RBM27: variants seen among roughly 807,000 people sequenced by gnomAD.
RBM27 encodes the protein RNA-binding protein 27.
In RBM27, 22 loss-of-function variants were observed where a neutral mutation model predicts 135.3. The ratio of observed to expected loss-of-function variants is 0.16; its 90% CI spans 0.12 to 0.23. RBM27 has a LOEUF of 0.23. RBM27 is among the 10% of genes least tolerant of loss of function. The pLI is 1.00. For missense variants in RBM27, 1,009 were observed against 1,281.0 expected (o/e 0.79, Z 3.24); for synonymous variants, 481 against 442.4 (o/e 1.09, Z -1.10).
rs1218296276 is a variant in RBM27, at chr5:146,286,659, G to C, written c.*629G>C. The C allele has an allele frequency of 6.6e-6, 1 of 151,868 alleles. No homozygotes were observed. Among genetic ancestry groups the C allele is most frequent in the Non-Finnish European group, 1.5e-5 (1 of 68,014 alleles). 9.4% of individuals were successfully genotyped at this position (151,868 alleles called of 1,614,324 possible). A position where few individuals can be genotyped will look rare whatever the true frequency, so the allele number is the denominator to read the frequency against. On this transcript the variant is annotated 3_prime_UTR_variant, in exon 21 of 21. Coordinates refer to ENST00000265271, the MANE Select transcript of RBM27 (RefSeq NM_018989.2). ...AAACTGTGTGTTCTTAAATGCTACA[G>C]CAATGGTAGCTAGCTCTATAGTATT...
intron 8 of RBM27, 139 bp from the exon 9 acceptor site, chr5:146,251,572 C>T: frequency 5.2e-6 from 4 of 762,074 alleles, no homozygotes; most frequent in South Asian, 4.0e-5. Context: ...AGAAAGAATC[C>T]CAGGAACATC....
At chr5:146,222,461 A>G (rs1756499629) in intron 2 of RBM27, among the ~76,000 whole-genome samples, 1 of 152,248 alleles carries the variant, frequency 6.6e-6, no homozygotes, top group South Asian at 2.1e-4. Context: ...AGGCAGGCAG[A>G]TCACCTGAGG....
intron 14 of RBM27, among the ~76,000 whole-genome samples, chr5:146,266,358 G>GA (rs1295487008): frequency 6.6e-6 from 1 of 152,164 alleles, no homozygotes; most frequent in Non-Finnish European, 1.5e-5. Flanking sequence ...TGAAGTAAAG[G>GA]AGACTATAAA....
intron 11 of RBM27, 30 bp downstream of exon 11, chr5:146,258,623 A>G (rs1271525627): frequency 6.7e-7 from 1 of 1,493,838 alleles, no homozygotes; most frequent in Middle Eastern, 1.8e-4. Flanking sequence ...AGTAGCATCT[A>G]ATTGTTATTG....
chr5:146,207,049 G>C (rs763419337), intron 1 of RBM27, among the ~76,000 whole-genome samples: 14 of 152,172 alleles, frequency 9.2e-5, no homozygotes, highest in Admixed American at 2.0e-4. Flanking sequence ...ATATGCTAAA[G>C]TGGGTTGTGT....
chr5:146,240,365 C>T (rs558182960), intron 8 of RBM27, among the ~76,000 whole-genome samples: 10 of 151,850 alleles, frequency 6.6e-5, no homozygotes, highest in Non-Finnish European at 1.0e-4. Context: ...CTCACTTTGT[C>T]GCCCAGGCTG....
At chr5:146,217,148 G>A (rs1185623944) in intron 1 of RBM27, among the ~76,000 whole-genome samples, 1 of 151,950 alleles carries the variant, frequency 6.6e-6, no homozygotes, top group South Asian at 2.1e-4. Flanking sequence ...TGTATTTTTA[G>A]TAGAGACGGG....
At position 146,289,211 on chromosome 5, in the gene RBM27, A is replaced by G. The variant is rs1320670568; in HGVS notation, c.*3181A>G. On this transcript the variant is annotated 3_prime_UTR_variant, in exon 21 of 21. Transcript: ENST00000265271. ...TTTATGAACCATTCCAAAAATTATA[A>G]CAATCACCAAAAGAGCTGTAATTCT... 6.6e-6 allele frequency: 1 copy of G among 152,108 alleles called. No individual in the cohort carries two copies. The highest frequency in any genetic ancestry group is 1.5e-5 in the Non-Finnish European group (1 of 67,962). 9.4% of individuals were successfully genotyped at this position (152,108 alleles called of 1,614,324 possible).
At chr5:146,246,075 G>A (rs561234870) in intron 8 of RBM27, among the ~76,000 whole-genome samples, 1 of 149,666 alleles carries the variant, frequency 6.7e-6, no homozygotes, top group East Asian at 1.9e-4. Flanking sequence ...TTAAGTGACT[G>A]TTTGATTTCT....
At chr5:146,246,843 C>A (rs1757645880) in intron 8 of RBM27, among the ~76,000 whole-genome samples, 1 of 150,464 alleles carries the variant, frequency 6.6e-6, no homozygotes, top group Non-Finnish European at 1.5e-5. Context: ...CTACTCCTGA[C>A]TTGATTATTT....
chr5:146,271,127 G>T, intron 18 of RBM27, 69 bp downstream of exon 18: 1 of 1,193,596 alleles, frequency 8.4e-7, no homozygotes, highest in Admixed American at 1.9e-5. Context: ...TTGACCGGGC[G>T]CGGTGGCTCA....
At chr5:146,213,681 T>C (rs1383020082) in intron 1 of RBM27, among the ~76,000 whole-genome samples, 1 of 152,220 alleles carries the variant, frequency 6.6e-6, no homozygotes, top group Non-Finnish European at 1.5e-5. Flanking sequence ...CCTTACTCTT[T>C]GATCTTATGA....
chr5:146,259,100 G>T (rs909481771), intron 11 of RBM27, among the ~76,000 whole-genome samples: 1 of 151,388 alleles, frequency 6.6e-6, no homozygotes, highest in Non-Finnish European at 1.5e-5. Flanking sequence ...CTATTTCTAC[G>T]CCTAACCCAA....
In RBM27 at chr5:146,260,892, T is replaced by C. The variant is rs943309899; in HGVS notation, c.1887T>C (p.Asn629=). Residue 629 remains asparagine (N), a synonymous_variant, in exon 12 of 21, where the codon AAT becomes AAC. Coordinates refer to ENST00000265271, the MANE Select transcript of RBM27 (RefSeq NM_018989.2). ...TCAGCAAATTTGGAACTATTGTTAA[T>C]ATCCAGGTAAATGTGGCTATGTCAG... The part of the protein sequence containing the change: ...EHFSKFGTIV[N]IQVAFKGDPE... The C allele has an allele frequency of 3.7e-6, 6 of 1,608,432 alleles. No homozygotes were observed. The highest frequency in any genetic ancestry group is 5.1e-6 in the Non-Finnish European group (6 of 1,178,492).
rs1256076002 is a variant in RBM27, at chr5:146,284,688, C to G, written c.3055C>G (p.Pro1019Ala). 1 of 1,612,654 alleles carries G rather than the reference C, an allele frequency of 6.2e-7. No individual in the cohort carries two copies. The highest frequency in any genetic ancestry group is 1.3e-5 in the African/African-American group (1 of 74,764). ...LQISWHKPKV[P>A]SISTETEEEE... is the part of the protein sequence containing the mutation. ...GATATCATGGCACAAGCCCAAGGTACCATCTATATCCACTGAGACTGAAGA... is the reference window on the plus strand; with the variant it reads ...GATATCATGGCACAAGCCCAAGGTAGCATCTATATCCACTGAGACTGAAGA... The change falls in exon 20 of 21, where the codon CCA becomes GCA. Residue 1019 changes from proline to alanine, a missense_variant. By Grantham distance (27) the Pro-to-Ala change is conservative. Around this residue, in one of 6 missense-constraint regions of RBM27, gnomAD observed 355 missense variants for 427.3 expected, o/e 0.83. Coordinates refer to ENST00000265271, the MANE Select transcript of RBM27 (RefSeq NM_018989.2).
At chr5:146,232,802 C>T (rs1477568227) in intron 6 of RBM27, among the ~76,000 whole-genome samples, 2 of 152,086 alleles carry the variant, frequency 1.3e-5, no homozygotes, top group East Asian at 1.9e-4. Context: ...TTCTTGACCT[C>T]GTGATCTGTC....
At chr5:146,266,561 A>G (rs1052955463) in intron 14 of RBM27, among the ~76,000 whole-genome samples, 1 of 152,224 alleles carries the variant, frequency 6.6e-6, no homozygotes, top group Non-Finnish European at 1.5e-5. Flanking sequence ...ACATTTGGAT[A>G]TAATATTTAT....
At chr5:146,260,405 A>T (rs1447690863) in intron 11 of RBM27, among the ~76,000 whole-genome samples, 1 of 152,194 alleles carries the variant, frequency 6.6e-6, no homozygotes, top group African/African-American at 2.4e-5. Context: ...AATTTATTAC[A>T]TAGAGATGTG....
In RBM27 at chr5:146,240,608, T is replaced by C. The variant is rs146104510; in HGVS notation, c.1279+3176T>C. Among the ~76,000 whole-genome samples the C allele has an allele frequency of 1.8e-4, 27 of 152,320 alleles. 1 individual carries two copies. Among genetic ancestry groups the C allele is most frequent in the African/African-American group, 6.3e-4 (26 of 41,582 alleles). On this transcript the variant is annotated intron_variant, in intron 8 of 20. Coordinates refer to ENST00000265271, the MANE Select transcript of RBM27 (RefSeq NM_018989.2). ...TCTCAGAGTGCTGGGATTACGGGCA[T>C]GAACCCCTGTGCCCGGCCTTTTGCT...
Sources: gnomAD v4.1 joint callset for allele counts (sites outside exome capture counted in the v4.1 genomes callset) on GRCh38, gnomAD v4.1.1 for gene constraint, gnomAD v4.1.1 regional missense constraint, MANE v1.5 for transcripts, NCBI Gene and HGNC (gene_info 2026-07-23, HGNC 2026-07-21) for gene names.